MCCC2: variants seen among roughly 807,000 people sequenced by gnomAD.
The protein encoded by MCCC2 is methylcrotonyl-CoA carboxylase subunit 2.
A neutral mutation model predicts 77.2 loss-of-function variants in MCCC2; 52 were observed. The observed-to-expected ratio is 0.67, with a 90% CI of 0.54 to 0.85. The LOEUF is 0.85. Ranked by LOEUF, MCCC2 falls within the 40% of genes least tolerant of loss-of-function variation. The pLI is 0.00. For missense variants in MCCC2, 682 were observed against 703.2 expected, an observed-to-expected ratio of 0.97 and a Z score of 0.34; for synonymous variants, 253 against 248.4, an observed-to-expected ratio of 1.02 and a Z score of -0.18.
At chr5:71,625,700 A>G (rs1375565456) in intron 6 of MCCC2, among the ~76,000 whole-genome samples, 2 of 152,232 alleles carry the variant, frequency 1.3e-5, no homozygotes, top group Non-Finnish European at 2.9e-5. Context: ...GCCACTTTCA[A>G]TAACATACAT....
intron 6 of MCCC2, among the ~76,000 whole-genome samples, chr5:71,614,205 A>G (rs1746074450): frequency 1.3e-5 from 2 of 152,160 alleles, no homozygotes; most frequent in South Asian, 4.1e-4. Context: ...CCTTTCCTGA[A>G]TATATGAGCC....
At chr5:71,643,725 T>C in intron 11 of MCCC2, 94 bp from the exon 12 acceptor site, 1 of 1,610,652 alleles carries the variant, frequency 6.2e-7, no homozygotes, top group Non-Finnish European at 8.5e-7. Context: ...AACTTGGATC[T>C]GATATTAAAG....
intron 6 of MCCC2, among the ~76,000 whole-genome samples, chr5:71,613,943 T>A (rs1746060459): frequency 6.6e-6 from 1 of 150,804 alleles, no homozygotes; most frequent in Admixed American, 6.6e-5. Context: ...CTTTTTAAAT[T>A]CCAAGAGGTT....
chr5:71,654,290 C>T (rs7447301), intron 16 of MCCC2, among the ~76,000 whole-genome samples: 1 of 152,060 alleles, frequency 6.6e-6, no homozygotes, highest in African/African-American at 2.4e-5. Context: ...CACCTGTAAT[C>T]GTGGCTGGCC....
Position 71,657,028 on chromosome 5 carries a change from A to T in MCCC2, c.*168A>T. The T allele has an allele frequency of 1.7e-6, 1 of 579,078 alleles. No homozygotes were observed. Among genetic ancestry groups the T allele is most frequent in the Non-Finnish European group, 3.1e-6 (1 of 325,076 alleles). 35.9% of individuals were successfully genotyped at this position (579,078 alleles called of 1,614,324 possible). ...CAGTGAGGATATTTATTTAATGAAC[A>T]TCAATTCCTTTTAAATTTTCTTAGA... On this transcript the variant is annotated 3_prime_UTR_variant, in exon 17 of 17. Coordinates refer to ENST00000340941, the MANE Select transcript of MCCC2 (RefSeq NM_022132.5).
chr5:71,630,424 A>G (rs1010312016), intron 7 of MCCC2, among the ~76,000 whole-genome samples: 31 of 151,312 alleles, frequency 2.0e-4, no homozygotes, highest in Admixed American at 1.3e-4. Flanking sequence ...CACCTATCAC[A>G]CTATCAAACG....
At chr5:71,640,008 T>C (rs1281926847) in intron 10 of MCCC2, among the ~76,000 whole-genome samples, 2 of 152,144 alleles carry the variant, frequency 1.3e-5, no homozygotes, top group African/African-American at 4.8e-5. Flanking sequence ...TGTAGAAAAA[T>C]AGTATGTATC....
chr5:71,628,644 C>A (rs1746613237), intron 7 of MCCC2, among the ~76,000 whole-genome samples: 1 of 152,116 alleles, frequency 6.6e-6, no homozygotes, highest in Admixed American at 6.5e-5. Flanking sequence ...CTCTCCTTTC[C>A]CCATTGAATG....
intron 16 of MCCC2, among the ~76,000 whole-genome samples, chr5:71,655,136 A>G (rs1161388321): frequency 6.6e-6 from 1 of 152,122 alleles, no homozygotes; most frequent in African/African-American, 2.4e-5. Context: ...ACCTGGCCAG[A>G]TCTGTAGATG....
chr5:71,650,234 C>T (rs763894054), intron 15 of MCCC2, 51 bp downstream of exon 15: 5 of 1,504,496 alleles, frequency 3.3e-6, no homozygotes, highest in Non-Finnish European at 4.6e-6. Flanking sequence ...TCACCATAAA[C>T]ACCCTGGAGC....
chr5:71,605,798 G>A (rs1745647916), intron 6 of MCCC2, among the ~76,000 whole-genome samples: 2 of 152,008 alleles, frequency 1.3e-5, no homozygotes, highest in Admixed American at 1.3e-4. Context: ...TCTACATATG[G>A]CTAGCCAGTT....
At chr5:71,592,778 G>A (rs1745029345) in intron 1 of MCCC2, 148 bp from the exon 2 acceptor site, 3 of 691,014 alleles carry the variant, frequency 4.3e-6, no homozygotes, top group South Asian at 1.6e-5. Context: ...GTGGCCCAGC[G>A]TGGCTGCCAC....
In MCCC2 at chr5:71,609,859, T is replaced by C. The variant is rs532420143; in HGVS notation, c.624+5391T>C. 2.2e-3 allele frequency among the ~76,000 whole-genome samples: 341 copies of C among 151,896 alleles called. 3 individuals carry two copies. Among genetic ancestry groups the C allele is most frequent in the African/African-American group, 7.9e-3 (326 of 41,448 alleles). On this transcript the variant is annotated intron_variant, in intron 6 of 16. Transcript: ENST00000340941. The stretch of plus-strand genomic sequence containing the variant: ...ATGTCAGTGTGCCCCTGCTGGGGGG[T>C]GCCTCCCAGTTAGGCTGCTCGGGGG...
chr5:71,589,208 T>G (rs464155), intron 1 of MCCC2, among the ~76,000 whole-genome samples: 72,213 of 152,076 alleles, frequency 0.47, 17,410 homozygotes, highest in South Asian at 0.55. Flanking sequence ...GAATATTTAG[T>G]TAGGTGGAAC....
intron 6 of MCCC2, among the ~76,000 whole-genome samples, chr5:71,614,073 A>G (rs967794681): frequency 6.9e-6 from 1 of 144,364 alleles, no homozygotes; most frequent in Non-Finnish European, 1.5e-5. Flanking sequence ...TCTTTGAGCT[A>G]CTTCTCTTAG....
At chr5:71,591,677 T>C (rs1744990055) in intron 1 of MCCC2, among the ~76,000 whole-genome samples, 1 of 152,072 alleles carries the variant, frequency 6.6e-6, no homozygotes, top group African/African-American at 2.4e-5. Context: ...CCGTAGGTGA[T>C]CTGCCCGCCT....
At chr5:71,652,230 C>T (rs1355350788) in intron 15 of MCCC2, among the ~76,000 whole-genome samples, 1 of 152,142 alleles carries the variant, frequency 6.6e-6, no homozygotes, top group African/African-American at 2.4e-5. Flanking sequence ...AAAGGTTATT[C>T]AAGATTTGGT....
At chr5:71,616,474 A>G (rs974921568) in intron 6 of MCCC2, among the ~76,000 whole-genome samples, 1 of 152,142 alleles carries the variant, frequency 6.6e-6, no homozygotes, top group Admixed American at 6.5e-5. Context: ...CTGCTGGAGA[A>G]CTGCTTGGTG....
At position 71,649,162 on chromosome 5, in the gene MCCC2, G is replaced by A. The variant is rs371374378; in HGVS notation, c.1282G>A (p.Ala428Thr). The A allele has an allele frequency of 6.2e-5, 100 of 1,614,038 alleles. 1 individual carries two copies. The highest frequency in any genetic ancestry group is 6.9e-5 in the Non-Finnish European group (81 of 1,179,964). ...IAKDGAKMVA[A>T]VACAQVPKIT... ...CAAGGATGGTGCCAAGATGGTGGCCGCTGTGGCCTGTGCCCAAGTGCCTAA... is the reference window on the plus strand; with the variant it reads ...CAAGGATGGTGCCAAGATGGTGGCCACTGTGGCCTGTGCCCAAGTGCCTAA... The change falls in exon 14 of 17, where the codon GCT (alanine) becomes ACT (threonine). Residue 428 changes from alanine to threonine, a missense_variant. Physicochemically the swap from Ala to Thr is moderately conservative, Grantham distance 58 (BLOSUM62 0). Transcript: ENST00000340941.
Sources: gnomAD v4.1 joint callset for allele counts (sites outside exome capture counted in the v4.1 genomes callset) on GRCh38, gnomAD v4.1.1 for gene constraint, MANE v1.5 for transcripts, NCBI Gene and HGNC (gene_info 2026-07-23, HGNC 2026-07-21) for gene names.